The following TAP1 variants were observed in gnomAD, a reference collection of about 807,000 sequenced individuals.
TAP1 encodes the protein transporter 1, ATP binding cassette subfamily B member.
TAP1 carries 56 observed loss-of-function variants against 79.3 expected under a neutral mutation model. The observed-to-expected ratio is 0.71, with a 90% CI of 0.57 to 0.88. The LOEUF is 0.88. Among genes scored for constraint, TAP1 ranks in the 40% least tolerant of loss-of-function variants. The pLI is 0.00. For synonymous variants in TAP1, 355 were observed against 401.4 expected, an observed-to-expected ratio of 0.88 and a Z score of 1.38; for missense variants, 737 against 936.3, an observed-to-expected ratio of 0.79 and a Z score of 2.78.
At position 32,847,263 on chromosome 6, in the gene TAP1, TGCACACAG is replaced by T; in HGVS notation, c.1904-67_1904-60del. The T allele has an allele frequency of 1.9e-6, 3 of 1,605,508 alleles. No homozygotes were observed. Among genetic ancestry groups the T allele is most frequent in the Non-Finnish European group, 2.5e-6 (3 of 1,178,672 alleles). On this transcript the variant is annotated intron_variant, in intron 9 of 10. Transcript: ENST00000354258. This position sits in a 1 kb window ranked among gnomAD's most constrained non-coding sequence, Gnocchi z 4.7. ...AGCCACATGTGTGCACGCATGTACA[TGCACACAG>T]ACACACTCATGCATTCACGCACTCA...
At position 32,853,626 on chromosome 6, in the gene TAP1, G is replaced by A. The variant is rs571573117; in HGVS notation, c.11C>T (p.Ser4Phe). 3.2e-5 allele frequency: 51 copies of A among 1,611,588 alleles called. No homozygotes were observed. The African/African-American group carries it at 6.1e-4, about 19-fold the overall frequency. MAS[S>F]RCPAPRGCRC... is the part of the protein sequence containing the mutation. ...GCACCCGCGGGGAGCGGGACACCTA[G>A]AGCTAGCCATTGGCACTCGGACGCC... Residue 4 changes from serine to phenylalanine, a missense_variant, in exon 1 of 11, where the codon TCT becomes TTT. Coordinates refer to ENST00000354258, the MANE Select transcript of TAP1 (RefSeq NM_000593.6). This position sits in a 1 kb window ranked among gnomAD's most constrained non-coding sequence, Gnocchi z 8.3.
Position 32,847,262 on chromosome 6 carries a change from A to C in TAP1, c.1904-58T>G. The C allele has an allele frequency of 1.2e-6, 2 of 1,602,000 alleles. No homozygotes were observed. Among genetic ancestry groups the C allele is most frequent in the Non-Finnish European group, 8.5e-7 (1 of 1,175,444 alleles). ...TAGCCACATGTGTGCACGCATGTAC[A>C]TGCACACAGACACACTCATGCATTC... On this transcript the variant is annotated intron_variant, in intron 9 of 10. Transcript: ENST00000354258. This position sits in a 1 kb window ranked among gnomAD's most constrained non-coding sequence, Gnocchi z 4.7.
chr6:32,847,815 C>T lies in TAP1; in HGVS notation c.1740+104G>A. 6.3e-7 allele frequency: 1 copy of T among 1,580,294 alleles called. No individual in the cohort carries two copies. The highest frequency in any genetic ancestry group is 8.7e-7 in the Non-Finnish European group (1 of 1,151,122). On this transcript the variant is annotated intron_variant, in intron 8 of 10. Coordinates refer to ENST00000354258, the MANE Select transcript of TAP1 (RefSeq NM_000593.6). This position sits in a 1 kb window ranked among gnomAD's most constrained non-coding sequence, Gnocchi z 4.7. ...CTCCTGACTACACCACCATCTCCAC[C>T]CAAGGTCTCTTATCATTCCCTAACC...
Position 32,847,293 on chromosome 6 carries a change from C to T in TAP1, c.1904-89G>A, listed in dbSNP as rs1312151208. On this transcript the variant is annotated intron_variant, in intron 9 of 10. Coordinates refer to ENST00000354258, the MANE Select transcript of TAP1 (RefSeq NM_000593.6). The surrounding 1 kb of genome is among the most constrained non-coding windows in gnomAD (Gnocchi z 4.7). ...ACAGACACACTCATGCATTCACGCA[C>T]TCACACACACCAAGATCTGACGGTT... 12 of 1,575,422 alleles carry T rather than the reference C, an allele frequency of 7.6e-6. No homozygotes were observed. The highest frequency in any genetic ancestry group is 1.0e-5 in the Non-Finnish European group (12 of 1,156,374).
At position 32,853,589 on chromosome 6, in the gene TAP1, G is replaced by A. The variant is rs764103429; in HGVS notation, c.48C>T (p.Pro16=). Residue 16 remains proline, a synonymous_variant, in exon 1 of 11, where the codon CCC becomes CCT. Transcript: ENST00000354258. This position sits in a 1 kb window ranked among gnomAD's most constrained non-coding sequence, Gnocchi z 8.3. ...TCCCCAGCCATGCGAGAGAAGCTCC[G>A]GGGAGGCAGCGGCACCCGCGGGGAG... The part of the protein sequence containing the change: ...CPAPRGCRCL[P]GASLAWLGTV... 2 of 1,612,606 alleles carry A rather than the reference G, an allele frequency of 1.2e-6. No individual in the cohort carries two copies. Among genetic ancestry groups the A allele is most frequent in the South Asian group, 2.2e-5 (2 of 91,068 alleles).
chr6:32,853,353 G>GCAGC lies in TAP1; in HGVS notation c.280_283dup (p.Ala95GlyfsTer34). 3.8e-6 allele frequency: 6 copies of GCAGC among 1,587,832 alleles called. No individual in the cohort carries two copies. Among genetic ancestry groups the GCAGC allele is most frequent in the Non-Finnish European group, 5.1e-6 (6 of 1,167,058 alleles). On this transcript the variant is annotated frameshift_variant, in exon 1 of 11. Transcript: ENST00000354258. LOFTEE classifies it high-confidence loss of function. This position sits in a 1 kb window ranked among gnomAD's most constrained non-coding sequence, Gnocchi z 8.3. ...CAGTGCCGCAGCTAATGGCTTCAAA[G>GCAGC]CAGCCAGCCAGCCCTGGGCACCTGC...
chr6:32,848,431 G>A (rs1770579706), intron 7 of TAP1, among the ~76,000 whole-genome samples: 1 of 152,240 alleles, frequency 6.6e-6, no homozygotes, highest in Non-Finnish European at 1.5e-5. Context: ...CTTGGAACGT[G>A]AGAGCACTCT....
Position 32,847,577 on chromosome 6 carries a change from T to C in TAP1, c.1839A>G (p.Thr613=), listed in dbSNP as rs1029913021. The C allele has an allele frequency of 6.2e-7, 1 of 1,613,970 alleles. No homozygotes were observed. The highest frequency in any genetic ancestry group is 1.3e-5 in the African/African-American group (1 of 74,908). Residue 613 remains threonine (T), a synonymous_variant, in exon 9 of 11, where the codon ACA becomes ACG. Transcript: ENST00000354258. This position sits in a 1 kb window ranked among gnomAD's most constrained non-coding sequence, Gnocchi z 4.7. ...LTQKPTMEEI[T]AAAVKSGAHS... ...GGGCCCCAGACTTTACTGCAGCAGCTGTGATTTCCTCCATAGTTGGCTTCT... is the reference window on the plus strand; with the variant it reads ...GGGCCCCAGACTTTACTGCAGCAGCCGTGATTTCCTCCATAGTTGGCTTCT...
intron 6 of TAP1, 22 bp from the exon 7 acceptor site, chr6:32,848,862 GA>G (rs758228985): frequency 3.7e-6 from 6 of 1,613,476 alleles, no homozygotes; most frequent in Admixed American, 1.7e-5. Flanking sequence ...TAAGAATAGT[GA>G]AAGTGAGGTA....
Position 32,852,186 on chromosome 6 carries a change from A to G in TAP1, c.767T>C (p.Val256Ala). The change falls in exon 3 of 11, where the codon GTG (valine) becomes GCG (alanine). Residue 256 changes from valine (V) to alanine (A), a missense_variant. Val to Ala is a moderately conservative substitution (Grantham distance 64). Coordinates refer to ENST00000354258, the MANE Select transcript of TAP1 (RefSeq NM_000593.6). This position sits in a 1 kb window ranked among gnomAD's most constrained non-coding sequence, Gnocchi z 4.8. ...DGIYNNTMGH[V>A]HSHLQGEVFG... is the part of the protein sequence containing the mutation. ...CACCTCTCCCTGCAAGTGGCTGTGC[A>G]CGTGGCCCATGGTGTTGTTATAGAT... 6.2e-7 allele frequency: 1 copy of G among 1,613,038 alleles called. No individual in the cohort carries two copies. The highest frequency in any genetic ancestry group is 8.5e-7 in the Non-Finnish European group (1 of 1,180,006).
At position 32,848,995 on chromosome 6, in the gene TAP1, C is replaced by A. The variant is rs41550019; in HGVS notation, c.1372G>T (p.Val458Leu). 46,020 of 1,612,284 alleles carry A rather than the reference C, an allele frequency of 0.029. 1,523 individuals carry two copies. The highest frequency in any genetic ancestry group is 0.14 in the African/African-American group (10,339 of 74,946). Residue 458 changes from valine (V) to leucine (L), a missense_variant, in exon 6 of 11, where the codon GTG becomes TTG. By Grantham distance (32) the Val-to-Leu change is conservative (BLOSUM62 1). Transcript: ENST00000354258. ...VLYQMQFTQA[V>L]EVLLSIYPRV... ...TGAAGGTGGAGGGACCTCACCTCCA[C>A]AGCCTGGGTGAACTGCATCTGGTAG... is the stretch of plus-strand genomic sequence containing the variant.
chr6:32,846,171 C>G (rs1052071234), intron 10 of TAP1: 1 of 314,832 alleles, frequency 3.2e-6, no homozygotes, highest in African/African-American at 2.1e-5. Flanking sequence ...CTGCGCCACT[C>G]AAAAGCTATA....
intron 5 of TAP1, 93 bp from the exon 6 acceptor site, chr6:32,849,211 C>A: frequency 4.0e-6 from 6 of 1,492,174 alleles, no homozygotes; most frequent in Non-Finnish European, 5.5e-6. Flanking sequence ...AATATCAAGT[C>A]CCTGTCTCCT....
chr6:32,846,049 G>A, intron 10 of TAP1: 1 of 563,406 alleles, frequency 1.8e-6, no homozygotes, highest in South Asian at 2.1e-5. Context: ...CTATTGAATA[G>A]TCCTCTTCTC....
At position 32,847,045 on chromosome 6, in the gene TAP1, C is replaced by T. The variant is rs760909111; in HGVS notation, c.2040+23G>A. On this transcript the variant is annotated intron_variant, in intron 10 of 10. Coordinates refer to ENST00000354258, the MANE Select transcript of TAP1 (RefSeq NM_000593.6). This position sits in a 1 kb window ranked among gnomAD's most constrained non-coding sequence, Gnocchi z 4.7. ...GAAGCAAGATTGGGTGGGATATAGC[C>T]ATTAAGAAGATGACTGCCTCACCTG... 13 of 1,611,354 alleles carry T rather than the reference C, an allele frequency of 8.1e-6. No individual in the cohort carries two copies. The Admixed American group carries it at 1.8e-4, about 23-fold the overall frequency.
rs954272821 is a variant in TAP1, at chr6:32,847,004, C to T, written c.2040+64G>A. The T allele has an allele frequency of 6.2e-6, 10 of 1,601,554 alleles. No homozygotes were observed. The highest frequency in any genetic ancestry group is 7.6e-6 in the Non-Finnish European group (9 of 1,178,346). Reference sequence around the variant, plus strand: ...ATAATTATGATGTTAGTAAAACTAACAGAAGATGTATAAAAGAAGCAAGAT... The same window carrying T: ...ATAATTATGATGTTAGTAAAACTAATAGAAGATGTATAAAAGAAGCAAGAT... On this transcript the variant is annotated intron_variant, in intron 10 of 10. Coordinates refer to ENST00000354258, the MANE Select transcript of TAP1 (RefSeq NM_000593.6). The surrounding 1 kb of genome is among the most constrained non-coding windows in gnomAD (Gnocchi z 4.7).
chr6:32,852,916 C>G lies in TAP1; in HGVS notation c.598+123G>C. On this transcript the variant is annotated intron_variant, in intron 1 of 10. Transcript: ENST00000354258. This position sits in a 1 kb window ranked among gnomAD's most constrained non-coding sequence, Gnocchi z 4.8. ...CCGAAGTGGTGTTCCAAGACCCACG[C>G]TAGGAGTCCTTCTCCTGCTCCACAT... The G allele has an allele frequency of 6.8e-7, 1 of 1,478,072 alleles. No homozygotes were observed. Among genetic ancestry groups the G allele is most frequent in the Non-Finnish European group, 9.0e-7 (1 of 1,113,202 alleles). The allele number at this position is 1,478,072 out of a possible 1,614,324, so 91.6% of individuals were successfully genotyped here.
chr6:32,852,754 G>C lies in TAP1; in HGVS notation c.599-252C>G. On this transcript the variant is annotated intron_variant, in intron 1 of 10. Transcript: ENST00000354258. This position sits in a 1 kb window ranked among gnomAD's most constrained non-coding sequence, Gnocchi z 4.8. ...CATGAAGTAGAAAAGCCTCCTGTTAGAGATGAGGATGCCCCGCCCTTCGGC... is the reference window on the plus strand; with the variant it reads ...CATGAAGTAGAAAAGCCTCCTGTTACAGATGAGGATGCCCCGCCCTTCGGC... The C allele has an allele frequency of 1.4e-6, 2 of 1,443,560 alleles. No homozygotes were observed. The highest frequency in any genetic ancestry group is 9.0e-7 in the Non-Finnish European group (1 of 1,106,700). The allele number at this position is 1,443,560 out of a possible 1,614,324, so 89.4% of individuals were successfully genotyped here.
In TAP1 at chr6:32,852,271, G is replaced by C; in HGVS notation, c.714-32C>G. On this transcript the variant is annotated intron_variant, in intron 2 of 10. Transcript: ENST00000354258. The surrounding 1 kb of genome is among the most constrained non-coding windows in gnomAD (Gnocchi z 4.8). ...AGAACCCGGAAAAAAAGGGGATCAG[G>C]GTGTGTTCAGGGAACAGACTGAAGG... 6.2e-7 allele frequency: 1 copy of C among 1,612,962 alleles called. No individual in the cohort carries two copies. Among genetic ancestry groups the C allele is most frequent in the Non-Finnish European group, 8.5e-7 (1 of 1,179,986 alleles).
Sources: gnomAD v4.1 joint callset for allele counts (sites outside exome capture counted in the v4.1 genomes callset) on GRCh38, gnomAD v4.1.1 for gene constraint, Gnocchi (gnomAD v3.1) non-coding constraint, MANE v1.5 for transcripts, NCBI Gene and HGNC (gene_info 2026-07-23, HGNC 2026-07-21) for gene names.